CADM2: variants seen among roughly 807,000 people sequenced by gnomAD.
The protein encoded by CADM2 is immunoglobulin superfamily member 4D.
In CADM2, 12 loss-of-function variants were observed where a neutral mutation model predicts 49.8. That is an observed-to-expected ratio of 0.24 (90% CI 0.15 to 0.39). The LOEUF (loss-of-function observed/expected upper bound fraction) is 0.39, where lower values mean the gene tolerates loss of function less well. Among genes scored for constraint, CADM2 ranks in the 10% least tolerant of loss-of-function variants. CADM2 has a pLI of 1.00. For synonymous variants in CADM2, 214 were observed against 175.4 expected, an observed-to-expected ratio of 1.22 and a Z score of -1.74; for missense variants, 378 against 492.3, an observed-to-expected ratio of 0.77 and a Z score of 2.20.
chr3:85,116,729 T>C (rs1451836979), intron 1 of CADM2, among the ~76,000 whole-genome samples: 1 of 152,142 alleles, frequency 6.6e-6, no homozygotes, highest in Non-Finnish European at 1.5e-5. Flanking sequence ...CTTGTTCCAG[T>C]ACATACCATT....
intron 1 of CADM2, among the ~76,000 whole-genome samples, chr3:85,155,135 A>G (rs1001408910): frequency 6.7e-5 from 10 of 149,160 alleles, no homozygotes; most frequent in African/African-American, 2.6e-4. Flanking sequence ...ATTAAAAGAC[A>G]CAGACTGGCA....
chr3:85,875,944 T>G (rs1438362500), intron 3 of CADM2, among the ~76,000 whole-genome samples: 1 of 152,144 alleles, frequency 6.6e-6, no homozygotes, highest in Non-Finnish European at 1.5e-5. Context: ...ACTTGGCTTA[T>G]TGTACTGACA....
In CADM2 at chr3:85,999,273, G is replaced by GGT. The variant is rs1193146395; in HGVS notation, c.970+37627_970+37628insTG. Among the ~76,000 whole-genome samples, 5 of 151,572 alleles carry GGT rather than the reference G, an allele frequency of 3.3e-5. No individual in the cohort carries two copies. In the South Asian group the frequency reaches 6.3e-4, roughly 19 times the overall value. ...CATCACTTTGGGAGGCCGAGGGTTG[G>GGT]GGGGTGGATCACTTGAGTTCAGGAG... On this transcript the variant is annotated intron_variant, in intron 8 of 9. Transcript: ENST00000383699.
At chr3:85,612,125 A>G (rs1304793424) in intron 1 of CADM2, among the ~76,000 whole-genome samples, 1 of 151,598 alleles carries the variant, frequency 6.6e-6, no homozygotes, top group African/African-American at 2.4e-5. Context: ...GAAACTAATA[A>G]CAGTGTATAT....
intron 2 of CADM2, among the ~76,000 whole-genome samples, chr3:85,769,307 TACATATATACATATATAGTATATATAC>T (rs2069881699): frequency 9.5e-6 from 1 of 105,328 alleles, no homozygotes; most frequent in Non-Finnish European, 1.8e-5. Flanking sequence ...TACACGTATA[TACATATATACATATATAGTATATATAC>T]ACGTATATAC....
Position 85,253,051 on chromosome 3 carries a change from C to CA in CADM2, c.61+293389dup, listed in dbSNP as rs1203426459. Among the ~76,000 whole-genome samples, 3 of 151,922 alleles carry CA rather than the reference C, an allele frequency of 2.0e-5. No homozygotes were observed. The East Asian group carries it at 5.8e-4, about 29-fold the overall frequency. On this transcript the variant is annotated intron_variant, in intron 1 of 9. Coordinates refer to ENST00000383699, the MANE Select transcript of CADM2 (RefSeq NM_001167675.2). ...AGTCTTCACAGCAAAAACAAACAAG[C>CA]AAAAAACCAAAAGAAACCAAAAGAA...
chr3:85,383,843 A>C (rs547978157), intron 1 of CADM2, among the ~76,000 whole-genome samples: 1 of 151,832 alleles, frequency 6.6e-6, no homozygotes, highest in Non-Finnish European at 1.5e-5. Context: ...TTCCACCACT[A>C]TATAGTATTT....
At chr3:85,011,798 G>A (rs985174306) in intron 1 of CADM2, among the ~76,000 whole-genome samples, 1 of 151,920 alleles carries the variant, frequency 6.6e-6, no homozygotes, top group African/African-American at 2.4e-5. Flanking sequence ...GCTGAGGCAG[G>A]AGGATTACTT....
chr3:84,965,370 T>C (rs1187688579), intron 1 of CADM2, among the ~76,000 whole-genome samples: 2 of 152,198 alleles, frequency 1.3e-5, no homozygotes, highest in African/African-American at 4.8e-5. Flanking sequence ...AAAGCAGTCA[T>C]GTGGCATGAG....
Position 86,072,821 on chromosome 3 carries a change from T to C in CADM2, c.*6038T>C, listed in dbSNP as rs980103788. 18 of 152,186 alleles carry C rather than the reference T, an allele frequency of 1.2e-4. No individual in the cohort carries two copies. Among genetic ancestry groups the C allele is most frequent in the African/African-American group, 4.1e-4 (17 of 41,564 alleles). The allele number at this position is 152,186 out of a possible 1,614,324, so 9.4% of individuals were successfully genotyped here. ...GTTATATCTCTATCCTTTTTGCTTT[T>C]CTCTGTGTTTTTAATGTATGGAATA... On this transcript the variant is annotated 3_prime_UTR_variant, in exon 10 of 10. Transcript: ENST00000383699.
rs114070937 is a variant in CADM2, at chr3:85,494,930, C to T, written c.62-231592C>T. On this transcript the variant is annotated intron_variant, in intron 1 of 9. Transcript: ENST00000383699. ...AGAGGATGAATGGGGCGAAAGAAAA[C>T]GTTAGACATGATTTATGTTATTTAA... is the stretch of plus-strand genomic sequence containing the variant. Among the ~76,000 whole-genome samples the T allele has an allele frequency of 2.7e-3, 404 of 152,160 alleles. 3 individuals are homozygous for T. Among genetic ancestry groups the T allele is most frequent in the Middle Eastern group, 0.01 (3 of 294 alleles).
chr3:85,513,291 T>G (rs1262048168), intron 1 of CADM2, among the ~76,000 whole-genome samples: 2 of 151,972 alleles, frequency 1.3e-5, no homozygotes, highest in Non-Finnish European at 2.9e-5. Flanking sequence ...TAGAATTTTG[T>G]ACTCTTGAGT....
intron 5 of CADM2, among the ~76,000 whole-genome samples, chr3:85,895,759 G>A (rs916887556): frequency 6.6e-6 from 1 of 152,056 alleles, no homozygotes; most frequent in African/African-American, 2.4e-5. Flanking sequence ...TTATATAAAG[G>A]GCAATTCCCC....
chr3:85,221,177 C>T (rs1212773223), intron 1 of CADM2, among the ~76,000 whole-genome samples: 2 of 152,112 alleles, frequency 1.3e-5, no homozygotes, highest in Non-Finnish European at 2.9e-5. Context: ...TTCCAAATAT[C>T]CAATACAGGA....
chr3:85,688,329 G>A (rs1040620268), intron 1 of CADM2, among the ~76,000 whole-genome samples: 1 of 152,098 alleles, frequency 6.6e-6, no homozygotes, highest in Non-Finnish European at 1.5e-5. Flanking sequence ...GAAGATACAT[G>A]GATGGCAAAG....
At chr3:85,379,482 G>C (rs2033778773) in intron 1 of CADM2, among the ~76,000 whole-genome samples, 1 of 151,902 alleles carries the variant, frequency 6.6e-6, no homozygotes, top group Non-Finnish European at 1.5e-5. Flanking sequence ...TGGTTTTTAG[G>C]CTTGAGAAAT....
chr3:86,051,006 C>CT (rs1239068365), intron 8 of CADM2, among the ~76,000 whole-genome samples: 1 of 152,168 alleles, frequency 6.6e-6, no homozygotes, highest in Non-Finnish European at 1.5e-5. Context: ...TAAAAATGGA[C>CT]TTTTCTTTTC....
chr3:85,693,897 AAAAAAAAAAAGAAAAAAG>A (rs1014489561), intron 1 of CADM2, among the ~76,000 whole-genome samples: 3 of 150,592 alleles, frequency 2.0e-5, no homozygotes, highest in Admixed American at 6.6e-5. Flanking sequence ...CTCCCTCTAA[AAAAAAAAAAAGAAAAAAG>A]AAAAAAAAAA....
intron 1 of CADM2, among the ~76,000 whole-genome samples, chr3:85,347,888 A>T (rs1048068341): frequency 6.6e-5 from 10 of 151,396 alleles, no homozygotes; most frequent in East Asian, 2.0e-4. Flanking sequence ...GCTCAGTGCA[A>T]GCTCCGCCTC....
Sources: gnomAD v4.1 joint callset for allele counts (sites outside exome capture counted in the v4.1 genomes callset) on GRCh38, gnomAD v4.1.1 for gene constraint, MANE v1.5 for transcripts, NCBI Gene and HGNC (gene_info 2026-07-23, HGNC 2026-07-21) for gene names.